PROS1: variants seen among roughly 807,000 people sequenced by gnomAD.
PROS1 encodes protein S, also known as vitamin K-dependent protein S.
In PROS1, 29 loss-of-function variants were observed where a neutral mutation model predicts 75.9. That is an observed-to-expected ratio of 0.38 (90% CI 0.28 to 0.52). The LOEUF (loss-of-function observed/expected upper bound fraction) is 0.52. Among genes scored for constraint, PROS1 ranks in the 20% least tolerant of loss-of-function variants. The pLI, the probability that PROS1 is intolerant of heterozygous loss-of-function variation, is 0.83. For synonymous variants in PROS1, 245 were observed against 280.6 expected (o/e 0.87, Z 1.27); for missense variants, 680 against 810.3 (o/e 0.84, Z 1.95).
chr3:93,874,170 A>G lies in PROS1; in HGVS notation c.*75T>C, dbSNP rs1482423514. 18 of 1,536,396 alleles carry G rather than the reference A, an allele frequency of 1.2e-5. No individual in the cohort carries two copies. Among genetic ancestry groups the G allele is most frequent in the Non-Finnish European group, 1.3e-5 (15 of 1,112,296 alleles). ...ATCAAAGACTGCACATTGTAAATAA[A>G]ACCCTTCAGCTGTTATTGAAACATA... On this transcript the variant is annotated 3_prime_UTR_variant, in exon 15 of 15. Coordinates refer to ENST00000394236, the MANE Select transcript of PROS1 (RefSeq NM_000313.4).
chr3:93,945,304 T>G (rs1709367875), intron 1 of PROS1, among the ~76,000 whole-genome samples: 1 of 152,184 alleles, frequency 6.6e-6, no homozygotes, highest in African/African-American at 2.4e-5. Flanking sequence ...TAACTCATTT[T>G]ATGAGGCCAG....
At chr3:93,903,869 G>A (rs977271605) in intron 6 of PROS1, among the ~76,000 whole-genome samples, 5 of 151,364 alleles carry the variant, frequency 3.3e-5, no homozygotes, top group Non-Finnish European at 4.4e-5. Flanking sequence ...CATTGTGCAG[G>A]TTAGTTACAT....
intron 1 of PROS1, among the ~76,000 whole-genome samples, chr3:93,962,517 A>G (rs1709722529): frequency 6.6e-6 from 1 of 152,198 alleles, no homozygotes; most frequent in African/African-American, 2.4e-5. Context: ...TCTTACCTGA[A>G]TAACTACACT....
chr3:93,945,364 G>A (rs1261996427), intron 1 of PROS1, among the ~76,000 whole-genome samples: 1 of 152,054 alleles, frequency 6.6e-6, no homozygotes, highest in African/African-American at 2.4e-5. Context: ...AAAAAAAAGA[G>A]AATTGTAGAC....
chr3:93,900,843 C>T lies in PROS1; in HGVS notation c.688G>A (p.Glu230Lys), dbSNP rs575777099. Residue 230 changes from glutamate (E) to lysine (K), a missense_variant, in exon 7 of 15, where the codon GAA becomes AAA. Physicochemically the swap from Glu to Lys is moderately conservative, Grantham distance 56. Transcript: ENST00000394236. ...GATTTGAGATTATATCTGTAGCCTT[C>T]GGGGCATTCACATTCAAAATCTCCT... ...IPGDFECECP[E>K]GYRYNLKSKS... 40 of 1,613,720 alleles carry T rather than the reference C, an allele frequency of 2.5e-5. No homozygotes were observed. The highest frequency in any genetic ancestry group is 1.7e-4 in the Middle Eastern group (1 of 5,936).
At chr3:93,965,305 C>T (rs562041855) in intron 1 of PROS1, among the ~76,000 whole-genome samples, 8 of 152,210 alleles carry the variant, frequency 5.3e-5, no homozygotes, top group South Asian at 2.1e-4. Context: ...GTCGCAGACC[C>T]GCTGCTGACT....
intron 1 of PROS1, among the ~76,000 whole-genome samples, chr3:93,935,579 A>G (rs1299018302): frequency 1.3e-5 from 2 of 152,302 alleles, no homozygotes; most frequent in African/African-American, 4.8e-5. Flanking sequence ...CCTACTTGCA[A>G]TAGCCCCTAG....
At chr3:93,881,219 G>C (rs1201487540) in intron 12 of PROS1, among the ~76,000 whole-genome samples, 3 of 152,166 alleles carry the variant, frequency 2.0e-5, no homozygotes, top group Admixed American at 2.0e-4. Flanking sequence ...CTACTTGGGA[G>C]GCTGAGGCAG....
intron 1 of PROS1, among the ~76,000 whole-genome samples, chr3:93,959,167 T>C (rs1576217625): frequency 6.6e-6 from 1 of 151,944 alleles, no homozygotes; most frequent in African/African-American, 2.4e-5. Flanking sequence ...TGGCCAAAAT[T>C]AGCTGGGCAT....
intron 1 of PROS1, among the ~76,000 whole-genome samples, chr3:93,930,764 G>A (rs186313743): frequency 6.6e-6 from 1 of 152,254 alleles, no homozygotes; most frequent in African/African-American, 2.4e-5. Context: ...AAGAGATGAT[G>A]AAACTCAGGT....
intron 7 of PROS1, 148 bp downstream of exon 7, chr3:93,900,656 G>A (rs1576184000): frequency 2.6e-6 from 3 of 1,161,396 alleles, no homozygotes; most frequent in African/African-American, 1.5e-5. Context: ...TGGAAGGAAG[G>A]AAGCCAATGA....
intron 1 of PROS1, among the ~76,000 whole-genome samples, chr3:93,927,859 A>ATATATG: frequency 7.2e-6 from 1 of 139,558 alleles, no homozygotes; most frequent in South Asian, 2.3e-4. Context: ...ACATATATAT[A>ATATATG]TATATATATA....
intron 1 of PROS1, among the ~76,000 whole-genome samples, chr3:93,955,924 C>T (rs1460710187): frequency 1.3e-5 from 2 of 152,152 alleles, no homozygotes; most frequent in Non-Finnish European, 2.9e-5. Context: ...ATTTGCTTAA[C>T]AGAACTGACC....
chr3:93,897,586 C>T (rs1243361510), intron 8 of PROS1, among the ~76,000 whole-genome samples: 1 of 151,958 alleles, frequency 6.6e-6, no homozygotes, highest in Admixed American at 6.6e-5. Context: ...CAACAAATGC[C>T]AACTAGCTTA....
At chr3:93,944,752 G>A (rs1413262398) in intron 1 of PROS1, among the ~76,000 whole-genome samples, 4 of 151,914 alleles carry the variant, frequency 2.6e-5, no homozygotes, top group African/African-American at 4.8e-5. Flanking sequence ...AAGAACTAGA[G>A]AAGCAAGAGC....
chr3:93,973,278 G>C (rs576897591), intron 1 of PROS1, among the ~76,000 whole-genome samples: 1 of 152,264 alleles, frequency 6.6e-6, no homozygotes, highest in East Asian at 1.9e-4. Flanking sequence ...GTGCAGGTTG[G>C]GGGCAGGCGC....
At chr3:93,928,469 G>A (rs1299291493) in intron 1 of PROS1, among the ~76,000 whole-genome samples, 1 of 151,052 alleles carries the variant, frequency 6.6e-6, no homozygotes, top group Admixed American at 6.6e-5. Context: ...GGGAGCCAGA[G>A]GTTACAGTGA....
chr3:93,927,164 G>C, intron 2 of PROS1, 86 bp downstream of exon 2: 1 of 1,524,658 alleles, frequency 6.6e-7, no homozygotes, highest in Non-Finnish European at 9.1e-7. Flanking sequence ...CTTTAAGATG[G>C]AACAGAAGGA....
chr3:93,958,932 C>G (rs552571679), intron 1 of PROS1, among the ~76,000 whole-genome samples: 16 of 152,092 alleles, frequency 1.1e-4, no homozygotes, highest in Non-Finnish European at 2.4e-4. Context: ...TAATGGAGTA[C>G]GTAATCAATT....
Sources: gnomAD v4.1 joint callset for allele counts (sites outside exome capture counted in the v4.1 genomes callset) on GRCh38, gnomAD v4.1.1 for gene constraint, MANE v1.5 for transcripts, NCBI Gene and HGNC (gene_info 2026-07-23, HGNC 2026-07-21) for gene names.